CYP2J2: variants seen among roughly 807,000 people sequenced by gnomAD.
CYP2J2 encodes the protein cytochrome P450 family 2 subfamily J member 2.
Under a neutral mutation model 48.8 loss-of-function variants are expected in CYP2J2, and 41 were observed. That is an observed-to-expected ratio of 0.84 (90% CI 0.66 to 1.09). The LOEUF is 1.09. Ranked by LOEUF, CYP2J2 falls within the 50% of genes least tolerant of loss-of-function variation. The pLI is 0.00. For synonymous variants in CYP2J2, 221 were observed against 227.1 expected, an observed-to-expected ratio of 0.97 and a Z score of 0.24; for missense variants, 644 against 617.3, an observed-to-expected ratio of 1.04 and a Z score of -0.46.
At chr1:59,942,283 C>T in the CYP2J2 span, among the ~76,000 whole-genome samples, 1 of 152,138 alleles carries the variant, frequency 6.6e-6, no homozygotes. Flanking sequence ...TAGCAATTTA[C>T]CCCTGAATGC....
intron 6 of CYP2J2, among the ~76,000 whole-genome samples, chr1:59,906,028 T>C (rs995781429): frequency 1.3e-5 from 2 of 151,922 alleles, no homozygotes; most frequent in South Asian, 2.1e-4. Flanking sequence ...CTACTAAAAA[T>C]ACAAAAAATT....
the CYP2J2 span, among the ~76,000 whole-genome samples, chr1:59,933,494 T>C: frequency 6.6e-6 from 1 of 152,218 alleles, no homozygotes; most frequent in Admixed American, 6.5e-5. Flanking sequence ...TGTTAGTGTA[T>C]AGAAACACAG....
intron 6 of CYP2J2, among the ~76,000 whole-genome samples, chr1:59,907,513 T>C (rs891966984): frequency 6.6e-6 from 1 of 152,234 alleles, no homozygotes; most frequent in Non-Finnish European, 1.5e-5. Context: ...AACTGTTTCC[T>C]GGAACTATCT....
chr1:59,907,994 A>T (rs2271800), intron 5 of CYP2J2, 67 bp from the exon 6 acceptor site: 32 of 1,499,816 alleles, frequency 2.1e-5, no homozygotes, highest in African/African-American at 2.8e-5. Context: ...CCGTAACACA[A>T]AGGGGCTTCA....
Position 59,911,660 on chromosome 1 carries a change from A to G in CYP2J2, c.632T>C (p.Leu211Pro). 6.2e-7 allele frequency: 1 copy of G among 1,613,630 alleles called. No homozygotes were observed. The highest frequency in any genetic ancestry group is 1.7e-4 in the Middle Eastern group (1 of 6,058). The stretch of plus-strand genomic sequence containing the variant: ...TGTGACTTCATCTAGTAACTTCAGC[A>G]GCTGCTGAAACCAACTATCCTGGTA... ...FEYQDSWFQQ[L>P]LKLLDEVTYL... The change falls in exon 4 of 9, where the codon CTG becomes CCG. Residue 211 changes from leucine to proline, a missense_variant. Leu to Pro is a moderately conservative substitution (Grantham distance 98). Transcript: ENST00000371204.
At chr1:59,929,701 G>C (rs1644593805), upstream of CYP2J2, among the ~76,000 whole-genome samples, 1 of 152,120 alleles carries the variant, frequency 6.6e-6, no homozygotes, top group Non-Finnish European at 1.5e-5. Context: ...AAGATAGCTT[G>C]ATATAGATTA....
At chr1:59,963,579 T>A in the CYP2J2 span, among the ~76,000 whole-genome samples, 2 of 152,234 alleles carry the variant, frequency 1.3e-5, no homozygotes, top group African/African-American at 4.8e-5. Flanking sequence ...TGTTGGTCCA[T>A]TTATCTATTG....
At chr1:59,900,886 A>G in intron 8 of CYP2J2, 79 bp downstream of exon 8, 1 of 1,507,028 alleles carries the variant, frequency 6.6e-7, no homozygotes. Context: ...TCCAATGAAA[A>G]CAAGGGAAAA....
chr1:59,941,557 G>C, the CYP2J2 span, among the ~76,000 whole-genome samples: 1 of 151,988 alleles, frequency 6.6e-6, no homozygotes. Context: ...CTGTAAAATA[G>C]TCCCAGGCAG....
At chr1:59,935,253 G>A in the CYP2J2 span, among the ~76,000 whole-genome samples, 10 of 151,706 alleles carry the variant, frequency 6.6e-5, no homozygotes, top group East Asian at 1.9e-3. Flanking sequence ...AGGGATTGCA[G>A]GTGGGGAAAG....
chr1:59,935,019 T>TATATATATATACAC, the CYP2J2 span, among the ~76,000 whole-genome samples: 5 of 41,934 alleles, frequency 1.2e-4, no homozygotes, highest in African/African-American at 5.1e-4. Context: ...TATATACATA[T>TATATATATATACAC]ATATATATAT....
intron 2 of CYP2J2, among the ~76,000 whole-genome samples, chr1:59,914,375 T>C (rs1214539772): frequency 1.3e-5 from 2 of 152,188 alleles, no homozygotes; most frequent in Non-Finnish European, 2.9e-5. Flanking sequence ...ATCAGACTGT[T>C]ACTGTGTCTA....
At chr1:59,965,094 T>C in the CYP2J2 span, among the ~76,000 whole-genome samples, 1 of 152,174 alleles carries the variant, frequency 6.6e-6, no homozygotes, top group Admixed American at 6.5e-5. Context: ...TAAAGAGTAA[T>C]TATAATGTGT....
chr1:59,966,665 C>A, the CYP2J2 span, among the ~76,000 whole-genome samples: 1 of 152,008 alleles, frequency 6.6e-6, no homozygotes, highest in Non-Finnish European at 1.5e-5. Flanking sequence ...GCAGGTGGGG[C>A]CAATTAAGAA....
chr1:59,956,558 A>T, the CYP2J2 span, among the ~76,000 whole-genome samples: 2 of 152,168 alleles, frequency 1.3e-5, no homozygotes, highest in African/African-American at 4.8e-5. Context: ...TGCAAGAAAC[A>T]ACAGGCATTT....
chr1:59,925,329 C>T (rs11572197), intron 1 of CYP2J2, among the ~76,000 whole-genome samples: 131 of 152,214 alleles, frequency 8.6e-4, no homozygotes, highest in African/African-American at 3.1e-3. Context: ...TTACTTCACC[C>T]AACAATAATT....
At chr1:59,937,205 A>C in the CYP2J2 span, among the ~76,000 whole-genome samples, 2 of 152,198 alleles carry the variant, frequency 1.3e-5, no homozygotes, top group African/African-American at 4.8e-5. Context: ...GTTCAACAGC[A>C]CAACAGCCAT....
chr1:59,893,945 C>T (rs1186719269), intron 8 of CYP2J2, 116 bp from the exon 9 acceptor site: 9 of 974,244 alleles, frequency 9.2e-6, no homozygotes, highest in South Asian at 3.9e-5. Flanking sequence ...GCCTGTAGGC[C>T]CCAGGGTGTT....
At chr1:59,948,853 T>TG in the CYP2J2 span, among the ~76,000 whole-genome samples, 1 of 152,166 alleles carries the variant, frequency 6.6e-6, no homozygotes, top group African/African-American at 2.4e-5. Flanking sequence ...AAACCCATTT[T>TG]GGAAAATACT....
Sources: allele counts gnomAD v4.1 joint callset (sites outside exome capture counted in the v4.1 genomes callset), GRCh38; gene constraint gnomAD v4.1.1; transcripts MANE v1.5; gene names NCBI Gene and HGNC (gene_info 2026-07-23, HGNC 2026-07-21).